Variants in PDE7B observed in about 807,000 individuals in gnomAD.
PDE7B encodes phosphodiesterase 7B.
In PDE7B, 29 loss-of-function variants were observed where a neutral mutation model predicts 56.2. The observed-to-expected ratio is 0.52, with a 90% confidence interval of 0.38 to 0.70. The LOEUF is 0.70. PDE7B is among the 30% of genes least tolerant of loss of function. PDE7B has a pLI of 0.00. For missense variants in PDE7B, 490 were observed against 565.0 expected, an observed-to-expected ratio of 0.87 and a Z score of 1.35; for synonymous variants, 197 against 196.9, an observed-to-expected ratio of 1.00 and a Z score of 0.00.
chr6:136,049,675 G>A (rs1776590786), intron 2 of PDE7B, among the ~76,000 whole-genome samples: 1 of 152,112 alleles, frequency 6.6e-6, no homozygotes, highest in Non-Finnish European at 1.5e-5. Flanking sequence ...GAAATTTGGT[G>A]AGGGAATAAA....
At chr6:136,000,271 A>G (rs545516987) in intron 2 of PDE7B, among the ~76,000 whole-genome samples, 1 of 152,136 alleles carries the variant, frequency 6.6e-6, no homozygotes, top group African/African-American at 2.4e-5. Context: ...CCATTTGTCA[A>G]TTTTTGCTTT....
intron 1 of PDE7B, among the ~76,000 whole-genome samples, chr6:135,858,490 C>A (rs981232000): frequency 7.9e-5 from 12 of 152,132 alleles, no homozygotes; most frequent in Non-Finnish European, 1.8e-4. Context: ...TCATTAATTT[C>A]TTTCTTTGAC....
At chr6:135,892,649 A>G (rs932698192) in intron 1 of PDE7B, among the ~76,000 whole-genome samples, 1 of 152,172 alleles carries the variant, frequency 6.6e-6, no homozygotes, top group Non-Finnish European at 1.5e-5. Flanking sequence ...CCATTTGCTG[A>G]TAACTGGAAA....
intron 1 of PDE7B, among the ~76,000 whole-genome samples, chr6:135,889,750 ATTTTTTTTTTTT>A (rs35311247): frequency 1.3e-5 from 1 of 74,862 alleles, no homozygotes; most frequent in African/African-American, 6.9e-5. Context: ...CGGTGCTACC[ATTTTTTTTTTTT>A]TTTTTTTTTT....
At chr6:136,115,872 A>G (rs943912791) in intron 3 of PDE7B, among the ~76,000 whole-genome samples, 2 of 152,232 alleles carry the variant, frequency 1.3e-5, no homozygotes, top group African/African-American at 4.8e-5. Flanking sequence ...AGAGACACCA[A>G]ACAAAAATAT....
At chr6:135,864,567 C>A (rs1030225959) in intron 1 of PDE7B, among the ~76,000 whole-genome samples, 1 of 152,058 alleles carries the variant, frequency 6.6e-6, no homozygotes, top group East Asian at 1.9e-4. Context: ...AGAAAATAGT[C>A]TTTTAAAAGC....
chr6:136,186,561 T>A (rs1009127617), intron 11 of PDE7B, among the ~76,000 whole-genome samples: 2 of 152,238 alleles, frequency 1.3e-5, no homozygotes, highest in Non-Finnish European at 2.9e-5. Flanking sequence ...GCTACTCAGA[T>A]GAGATCTTTC....
intron 1 of PDE7B, among the ~76,000 whole-genome samples, chr6:135,874,019 T>C (rs924455089): frequency 1.3e-5 from 2 of 152,146 alleles, no homozygotes; most frequent in Non-Finnish European, 2.9e-5. Flanking sequence ...ATGATTGCTA[T>C]AGAAAAAAGA....
intron 2 of PDE7B, among the ~76,000 whole-genome samples, chr6:135,972,847 G>A (rs1775116610): frequency 6.6e-6 from 1 of 152,130 alleles, no homozygotes; most frequent in Non-Finnish European, 1.5e-5. Context: ...GGGAGTGGGT[G>A]TGAGGAGAGA....
rs577169382 is a variant in PDE7B, at chr6:136,077,244, T to C, written c.83-31487T>C. 1.1e-4 allele frequency among the ~76,000 whole-genome samples: 17 copies of C among 152,270 alleles called. No individual in the cohort carries two copies. The South Asian group carries it at 3.5e-3, about 32-fold the overall frequency. ...TAGTCCTGAGAAGAAAAATCTCCGATCCACTGTGCTTGACAATATTATTGT... is the reference window on the plus strand; with the variant it reads ...TAGTCCTGAGAAGAAAAATCTCCGACCCACTGTGCTTGACAATATTATTGT... On this transcript the variant is annotated intron_variant, in intron 2 of 12. Transcript: ENST00000308191.
rs144034533 is a variant in PDE7B, at chr6:135,909,834, T to TACA, written c.22-37629_22-37627dup. ...TGCTGGTGGAGACAAAAGTGCAAGG[T>TACA]ACAGCATTGCAAGGTCAGCAGCCGT... On this transcript the variant is annotated intron_variant, in intron 1 of 12. Transcript: ENST00000308191. Among the ~76,000 whole-genome samples, 505 of 152,252 alleles carry TACA rather than the reference T, an allele frequency of 3.3e-3. 3 individuals are homozygous for TACA. The highest frequency in any genetic ancestry group is 0.011 in the African/African-American group (474 of 41,536).
Position 136,179,061 on chromosome 6 carries a change from T to C in PDE7B, c.868T>C (p.Phe290Leu). Residue 290 changes from phenylalanine to leucine, a missense_variant, in exon 10 of 13, where the codon TTT becomes CTT. Physicochemically the swap from Phe to Leu is conservative, Grantham distance 22 (BLOSUM62 0). Coordinates refer to ENST00000308191, the MANE Select transcript of PDE7B (RefSeq NM_018945.4). ...AACAGACATCAACAGGCAGAATGAA[T>C]TTTTGACCAGATTGAAAGCTCACCT... ...LATDINRQNE[F>L]LTRLKAHLHN... 6.2e-7 allele frequency: 1 copy of C among 1,614,082 alleles called. No individual in the cohort carries two copies. Among genetic ancestry groups the C allele is most frequent in the Non-Finnish European group, 8.5e-7 (1 of 1,179,920 alleles).
chr6:136,161,111 C>T (rs544553130), intron 8 of PDE7B, among the ~76,000 whole-genome samples: 37 of 152,060 alleles, frequency 2.4e-4, no homozygotes, highest in Non-Finnish European at 5.3e-4. Context: ...ATATAATATA[C>T]AATAGAGTAT....
rs1777005208 is a variant in PDE7B, at chr6:136,069,236, T to C, written c.83-39495T>C. Among the ~76,000 whole-genome samples the C allele has an allele frequency of 2.0e-5, 3 of 152,232 alleles. 1 individual carries two copies. The South Asian group carries it at 6.2e-4, about 31-fold the overall frequency. On this transcript the variant is annotated intron_variant, in intron 2 of 12. Coordinates refer to ENST00000308191, the MANE Select transcript of PDE7B (RefSeq NM_018945.4). Reference sequence around the variant, plus strand: ...ATTTTGAAATAACTTTAAAATGTGCTTTTGCTTTAAAGGCTGAGGAGCTGG... The same window carrying C: ...ATTTTGAAATAACTTTAAAATGTGCCTTTGCTTTAAAGGCTGAGGAGCTGG...
At chr6:136,173,582 G>C (rs73555075) in intron 8 of PDE7B, among the ~76,000 whole-genome samples, 4,289 of 152,224 alleles carry the variant, frequency 0.028, 188 homozygotes, top group African/African-American at 0.097. Context: ...AGCAGAGGGT[G>C]AGCCGCAGGC....
intron 1 of PDE7B, among the ~76,000 whole-genome samples, chr6:135,893,843 C>T (rs1483008910): frequency 2.0e-5 from 3 of 152,082 alleles, no homozygotes; most frequent in East Asian, 1.9e-4. Context: ...ATTACACCAT[C>T]GTCATTGAAG....
At chr6:135,886,952 CA>C (rs750793616) in intron 1 of PDE7B, among the ~76,000 whole-genome samples, 22 of 152,232 alleles carry the variant, frequency 1.4e-4, no homozygotes, top group Admixed American at 9.2e-4. Flanking sequence ...TATTGTTTTC[CA>C]TAGTGGTTGT....
intron 1 of PDE7B, among the ~76,000 whole-genome samples, chr6:135,906,198 C>T (rs1025355374): frequency 1.1e-4 from 17 of 152,026 alleles, no homozygotes; most frequent in Non-Finnish European, 4.4e-5. Flanking sequence ...CATGTTAGGA[C>T]AGTAAAAAGC....
chr6:136,172,828 G>T (rs1778913418), intron 8 of PDE7B, among the ~76,000 whole-genome samples: 1 of 152,050 alleles, frequency 6.6e-6, no homozygotes, highest in Non-Finnish European at 1.5e-5. Flanking sequence ...GTAAGGAAGG[G>T]AAAAATCACA....
Sources: allele counts gnomAD v4.1 joint callset (sites outside exome capture counted in the v4.1 genomes callset), GRCh38; gene constraint gnomAD v4.1.1; transcripts MANE v1.5; gene names NCBI Gene and HGNC (gene_info 2026-07-23, HGNC 2026-07-21).